SYNGR1: variants seen among roughly 807,000 people sequenced by gnomAD.
SYNGR1 encodes synaptogyrin 1.
Under a neutral mutation model 26.1 loss-of-function variants are expected in SYNGR1, and 14 were observed. That is an observed-to-expected ratio of 0.54 (90% CI 0.35 to 0.84). The LOEUF (loss-of-function observed/expected upper bound fraction) is 0.84, where lower values mean the gene tolerates loss of function less well. SYNGR1 is among the 40% of genes least tolerant of loss of function. The pLI is 0.01. For synonymous variants in SYNGR1, 141 were observed against 150.1 expected, an observed-to-expected ratio of 0.94 and a Z score of 0.44; for missense variants, 319 against 332.9, an observed-to-expected ratio of 0.96 and a Z score of 0.33.
At chr22:39,368,822 G>A (rs1030176859) in intron 1 of SYNGR1, among the ~76,000 whole-genome samples, 9 of 152,226 alleles carry the variant, frequency 5.9e-5, no homozygotes, top group Admixed American at 5.2e-4. Context: ...GGAAGCATGT[G>A]TCTGTTAGTA....
intron 3 of SYNGR1, 150 bp downstream of exon 3, chr22:39,376,347 T>C (rs1925283124): frequency 3.0e-6 from 4 of 1,354,430 alleles, no homozygotes. Flanking sequence ...TCTGCGGCGC[T>C]CACAGTGGTG....
At chr22:39,363,227 G>A (rs1362896756) in intron 1 of SYNGR1, among the ~76,000 whole-genome samples, 1 of 152,000 alleles carries the variant, frequency 6.6e-6, no homozygotes, top group African/African-American at 2.4e-5. Flanking sequence ...CGTTTGGTGG[G>A]GGAAGGTCTT....
intron 3 of SYNGR1, chr22:39,378,300 G>A (rs1057178349): frequency 1.0e-6 from 1 of 962,900 alleles, no homozygotes; most frequent in African/African-American, 1.8e-5. Flanking sequence ...AACCTCTCAA[G>A]GCTGTTGTGC....
chr22:39,361,953 A>G (rs1924493084), intron 1 of SYNGR1, among the ~76,000 whole-genome samples: 1 of 150,558 alleles, frequency 6.6e-6, no homozygotes, highest in African/African-American at 2.4e-5. Flanking sequence ...TCTGCCACTG[A>G]GAGTAAGGCC....
At chr22:39,377,063 C>A (rs1282137236) in intron 3 of SYNGR1, 1 of 1,550,914 alleles carries the variant, frequency 6.4e-7, no homozygotes, top group South Asian at 1.2e-5. Flanking sequence ...GAGCCCTCCC[C>A]ATAACCCACA....
intron 1 of SYNGR1, among the ~76,000 whole-genome samples, chr22:39,372,438 CTTTTTTTTTT>C (rs767314185): frequency 2.0e-4 from 11 of 54,652 alleles, no homozygotes; most frequent in African/African-American, 5.6e-4. Flanking sequence ...ACGCCCAGCT[CTTTTTTTTTT>C]TTTTTTTTTT....
intron 1 of SYNGR1, among the ~76,000 whole-genome samples, chr22:39,353,459 C>T (rs1044039179): frequency 1.3e-5 from 2 of 152,226 alleles, no homozygotes; most frequent in South Asian, 4.1e-4. Context: ...GACGATGAGG[C>T]GAGGCGTGGG....
intron 1 of SYNGR1, among the ~76,000 whole-genome samples, chr22:39,367,091 TC>T (rs1051614795): frequency 5.9e-5 from 9 of 152,348 alleles, no homozygotes; most frequent in African/African-American, 2.2e-4. Context: ...ATCAGAGGCC[TC>T]CCTGGGCCCC....
At chr22:39,371,528 G>T (rs1003871755) in intron 1 of SYNGR1, among the ~76,000 whole-genome samples, 1 of 148,688 alleles carries the variant, frequency 6.7e-6, no homozygotes, top group African/African-American at 2.5e-5. Context: ...GGTGGCTCAC[G>T]CCCGTAATCC....
At position 39,374,345 on chromosome 22, in the gene SYNGR1, C is replaced by A. The variant is rs762377335; in HGVS notation, c.129C>A (p.Ile43=). The stretch of plus-strand genomic sequence containing the variant: ...TCTCCATAGTGGTGTTCGGCTCCAT[C>A]GTGAACGAGGGCTACCTCAACAGCG... ...WLFSIVVFGS[I]VNEGYLNSAS... is the part of the protein sequence containing the mutation. The change falls in exon 2 of 4, where the codon ATC becomes ATA. Residue 43 remains isoleucine, a synonymous_variant. Coordinates refer to ENST00000328933, the MANE Select transcript of SYNGR1 (RefSeq NM_004711.5). 2.5e-5 allele frequency: 41 copies of A among 1,613,884 alleles called. No homozygotes were observed. In the South Asian group the frequency reaches 3.4e-4, roughly 13 times the overall value.
Position 39,382,304 on chromosome 22 carries a change from A to C in SYNGR1, c.*390A>C. 3.0e-6 allele frequency: 1 copy of C among 337,026 alleles called. No homozygotes were observed. Among genetic ancestry groups the C allele is most frequent in the South Asian group, 3.1e-5 (1 of 32,038 alleles). 20.9% of individuals were successfully genotyped at this position (337,026 alleles called of 1,614,324 possible). Reference sequence around the variant, plus strand: ...AAGCCCTGGTGGTACCAGAGGCCAGAATGGTGGGAAAGACAGATCCAGATA... The same window carrying C: ...AAGCCCTGGTGGTACCAGAGGCCAGCATGGTGGGAAAGACAGATCCAGATA... On this transcript the variant is annotated 3_prime_UTR_variant, in exon 4 of 4. Transcript: ENST00000328933.
intron 1 of SYNGR1, among the ~76,000 whole-genome samples, chr22:39,367,547 G>A (rs879278855): frequency 2.0e-5 from 3 of 152,198 alleles, no homozygotes; most frequent in African/African-American, 4.8e-5. Context: ...TGTAGACCGC[G>A]CGAGGTGGCT....
chr22:39,369,923 T>A (rs1924940854), intron 1 of SYNGR1, among the ~76,000 whole-genome samples: 1 of 152,250 alleles, frequency 6.6e-6, no homozygotes, highest in African/African-American at 2.4e-5. Context: ...TTCTTTTTTT[T>A]ACTGTGGCCA....
Position 39,385,335 on chromosome 22 carries a change from A to G in SYNGR1, c.*3421A>G. ...TAGTATAAATATATATATTTTCTAT[A>G]TATAAGATGTATAATATAAGGCTCC... is the stretch of plus-strand genomic sequence containing the variant. On this transcript the variant is annotated 3_prime_UTR_variant, in exon 4 of 4. Coordinates refer to ENST00000328933, the MANE Select transcript of SYNGR1 (RefSeq NM_004711.5). 6.1e-6 allele frequency: 1 copy of G among 163,424 alleles called. No homozygotes were observed. 10.1% of individuals were successfully genotyped at this position (163,424 alleles called of 1,614,324 possible).
At position 39,385,371 on chromosome 22, in the gene SYNGR1, CTGTG is replaced by C. The variant is rs372834958; in HGVS notation, c.*3468_*3471del. On this transcript the variant is annotated 3_prime_UTR_variant, in exon 4 of 4. Transcript: ENST00000328933. ...ATAATATAAGGCTCCACAAATATAT[CTGTG>C]TGTGTGTGTGCGTGTGTGTGCGGTG... The C allele has an allele frequency of 1.2e-4, 19 of 153,292 alleles. No individual in the cohort carries two copies. The East Asian group carries it at 3.6e-3, about 29-fold the overall frequency. The allele number at this position is 153,292 out of a possible 1,614,324, so 9.5% of individuals were successfully genotyped here.
chr22:39,379,390 T>G (rs560641749), intron 3 of SYNGR1, among the ~76,000 whole-genome samples: 3 of 152,218 alleles, frequency 2.0e-5, no homozygotes, highest in Non-Finnish European at 4.4e-5. Flanking sequence ...TCCCAGCACT[T>G]TGGGAGGCCA....
Position 39,385,267 on chromosome 22 carries a change from T to G in SYNGR1, c.*3353T>G, listed in dbSNP as rs1000364175. ...CCCCATGTCCTGGTGCGCACAGCCC[T>G]TGTCGGTGCCCCGGCCCCTCCCGCA... On this transcript the variant is annotated 3_prime_UTR_variant, in exon 4 of 4. Transcript: ENST00000328933. 8.6e-6 allele frequency: 3 copies of G among 350,446 alleles called. No individual in the cohort carries two copies. The highest frequency in any genetic ancestry group is 6.3e-5 in the African/African-American group (3 of 47,568). The allele number at this position is 350,446 out of a possible 1,614,324, so 21.7% of individuals were successfully genotyped here.
chr22:39,362,248 C>G (rs715503), intron 1 of SYNGR1, among the ~76,000 whole-genome samples: 56,253 of 151,882 alleles, frequency 0.37, 11,314 homozygotes, highest in East Asian at 0.81. Flanking sequence ...GCCTGCAGAT[C>G]ACCCAGGCCC....
rs554611093 is a variant in SYNGR1 at position 39,378,284 on chromosome 22, T to C, written c.483+2087T>C. ...ACTTACCTGAACTGAGGGGTGATAA[T>C]GGACCAACCTCTCAAGGCTGTTGTG... On this transcript the variant is annotated intron_variant, in intron 3 of 3. Coordinates refer to ENST00000328933, the MANE Select transcript of SYNGR1 (RefSeq NM_004711.5). The C allele has an allele frequency of 4.1e-6, 4 of 974,220 alleles. No individual in the cohort carries two copies. In the East Asian group the frequency reaches 3.1e-4, roughly 76 times the overall value. The allele number at this position is 974,220 out of a possible 1,614,324, so 60.3% of individuals were successfully genotyped here. A position where few individuals can be genotyped will look rare whatever the true frequency, so the allele number is the denominator to read the frequency against.
Sources: allele counts gnomAD v4.1 joint callset (sites outside exome capture counted in the v4.1 genomes callset), GRCh38; gene constraint gnomAD v4.1.1; transcripts MANE v1.5; gene names NCBI Gene and HGNC (gene_info 2026-07-23, HGNC 2026-07-21).